PDE4D: variants seen among roughly 807,000 people sequenced by gnomAD.
PDE4D encodes phosphodiesterase 4D.
Under a neutral mutation model 87.4 loss-of-function variants are expected in PDE4D, and 24 were observed. That is an observed-to-expected ratio of 0.27 (90% CI 0.20 to 0.39). The LOEUF (loss-of-function observed/expected upper bound fraction) is 0.39. Among genes scored for constraint, PDE4D ranks in the 10% least tolerant of loss-of-function variants. PDE4D has a pLI of 1.00. For synonymous variants in PDE4D, 384 were observed against 383.2 expected (o/e 1.00, Z -0.02); for missense variants, 714 against 1,041.0 (o/e 0.69, Z 4.32).
intron 1 of PDE4D, among the ~76,000 whole-genome samples, chr5:59,477,353 T>TAA (rs35047246): frequency 9.4e-4 from 83 of 88,286 alleles, no homozygotes; most frequent in South Asian, 2.9e-3. Context: ...TAGAGTATAA[T>TAA]AAAAAAAAAA....
chr5:60,113,188 C>G (rs1002825290), intron 2 of PDE4D, among the ~76,000 whole-genome samples: 1 of 152,110 alleles, frequency 6.6e-6, no homozygotes, highest in Non-Finnish European at 1.5e-5. Context: ...AAAAGAAGGG[C>G]AAGTCCTAAG....
At chr5:60,490,250 T>C (rs1749458411), upstream of PDE4D, 1 of 152,134 alleles carries the variant, frequency 6.6e-6, no homozygotes, top group Non-Finnish European at 1.5e-5. Context: ...CCTATAATCA[T>C]AATAATCATG....
chr5:59,173,039 C>A (rs1201479952), intron 5 of PDE4D, among the ~76,000 whole-genome samples: 1 of 151,970 alleles, frequency 6.6e-6, no homozygotes, highest in Non-Finnish European at 1.5e-5. Context: ...GTACATTGAC[C>A]AAAATTAGAC....
intron 2 of PDE4D, among the ~76,000 whole-genome samples, chr5:59,207,871 T>C (rs1414481930): frequency 1.3e-5 from 2 of 151,594 alleles, no homozygotes; most frequent in African/African-American, 4.9e-5. Context: ...TTTTTTCACA[T>C]TTAAAAGATT....
chr5:59,897,635 T>C (rs1751801597), upstream of PDE4D, among the ~76,000 whole-genome samples: 3 of 150,970 alleles, frequency 2.0e-5, no homozygotes, highest in South Asian at 2.1e-4. Context: ...CAGTGTGTAA[T>C]GTTCCCCTCC....
At chr5:59,185,316 A>C in intron 3 of PDE4D, 54 bp from the exon 4 acceptor site, 1 of 1,296,194 alleles carries the variant, frequency 7.7e-7, no homozygotes, top group Non-Finnish European at 1.1e-6. Flanking sequence ...TTTTAAATAC[A>C]CTTGAAAATG....
At chr5:60,179,596 T>C (rs368522999) in intron 2 of PDE4D, among the ~76,000 whole-genome samples, 25 of 152,244 alleles carry the variant, frequency 1.6e-4, no homozygotes, top group Non-Finnish European at 2.8e-4. Flanking sequence ...TAATTACTTA[T>C]GGTTCTCTTA....
At chr5:59,029,608 T>C (rs1756956558) in intron 6 of PDE4D, among the ~76,000 whole-genome samples, 2 of 151,900 alleles carry the variant, frequency 1.3e-5, no homozygotes, top group Admixed American at 1.3e-4. Flanking sequence ...ATCTATAGAT[T>C]CAATGCAGTT....
chr5:60,190,750 T>G, intron 1 of PDE4D, among the ~76,000 whole-genome samples: 1 of 152,208 alleles, frequency 6.6e-6, no homozygotes, highest in East Asian at 1.9e-4. Flanking sequence ...CAACCCATCT[T>G]GTAGTCTTCC....
At position 58,992,092 on chromosome 5, in the gene PDE4D, A is replaced by G. The variant is rs533930430; in HGVS notation, c.1016-88T>C. 8.0e-5 allele frequency: 65 copies of G among 809,254 alleles called. No individual in the cohort carries two copies. The Middle Eastern group carries it at 1.9e-3, about 24-fold the overall frequency. 50.1% of individuals were successfully genotyped at this position (809,254 alleles called of 1,614,324 possible). A position where few individuals can be genotyped will look rare whatever the true frequency, so the allele number is the denominator to read the frequency against. Reference sequence around the variant, plus strand: ...ATAATTGGAAGGATTATAATTGATCATTATATATTCCAGGAAATGTTTCCA... The same window carrying G: ...ATAATTGGAAGGATTATAATTGATCGTTATATATTCCAGGAAATGTTTCCA... On this transcript the variant is annotated intron_variant, in intron 7 of 14. Transcript: ENST00000340635.
rs146086008 is a variant in PDE4D at position 59,036,352 on chromosome 5, A to G, written c.921+2507T>C. Among the ~76,000 whole-genome samples, 10 of 152,364 alleles carry G rather than the reference A, an allele frequency of 6.6e-5. No individual in the cohort carries two copies. The East Asian group carries it at 1.5e-3, about 23-fold the overall frequency. On this transcript the variant is annotated intron_variant, in intron 6 of 14. Transcript: ENST00000340635. ...AAGGCTAAAGGAGAATAAACTGAAA[A>G]TATCAGTTTGAACACGTGTATGTAA...
intron 3 of PDE4D, among the ~76,000 whole-genome samples, chr5:59,943,864 G>A (rs528002347): frequency 6.6e-6 from 1 of 152,282 alleles, no homozygotes; most frequent in East Asian, 1.9e-4. Context: ...TAACCGTGCA[G>A]TTAGAGGAGT....
intron 3 of PDE4D, among the ~76,000 whole-genome samples, chr5:59,930,345 A>G (rs911306008): frequency 1.3e-5 from 2 of 152,164 alleles, no homozygotes; most frequent in Admixed American, 1.3e-4. Context: ...AGAAGAGAAC[A>G]GAAGAAGTGA....
chr5:59,323,315 G>C (rs1775050536), intron 1 of PDE4D, among the ~76,000 whole-genome samples: 1 of 151,896 alleles, frequency 6.6e-6, no homozygotes, highest in African/African-American at 2.4e-5. Flanking sequence ...TTGCTTTATT[G>C]ATGACCATCT....
At chr5:59,188,432 G>A (rs1160202882) in intron 3 of PDE4D, among the ~76,000 whole-genome samples, 2 of 152,024 alleles carry the variant, frequency 1.3e-5, no homozygotes, top group Non-Finnish European at 2.9e-5. Context: ...TGTTATTTAC[G>A]TACACTACTC....
intron 3 of PDE4D, among the ~76,000 whole-genome samples, chr5:59,912,995 G>A (rs1033096038): frequency 3.3e-5 from 5 of 152,196 alleles, no homozygotes; most frequent in Non-Finnish European, 5.9e-5. Context: ...ATGACATGGA[G>A]GAACCAGAAA....
intron 1 of PDE4D, among the ~76,000 whole-genome samples, chr5:59,510,623 T>G (rs1810125769): frequency 6.6e-6 from 1 of 151,424 alleles, no homozygotes; most frequent in Non-Finnish European, 1.5e-5. Flanking sequence ...TAGACAGACA[T>G]AGATAAAAAA....
intron 3 of PDE4D, among the ~76,000 whole-genome samples, chr5:59,985,124 G>GTTTTTTTCTTT (rs762506771): frequency 9.0e-6 from 1 of 111,268 alleles, no homozygotes; most frequent in African/African-American, 2.8e-5. Flanking sequence ...TTCACCTTTC[G>GTTTTTTTCTTT]TTTTTTGTTT....
chr5:59,433,059 C>T (rs1390266023), intron 1 of PDE4D, among the ~76,000 whole-genome samples: 1 of 152,014 alleles, frequency 6.6e-6, no homozygotes, highest in Non-Finnish European at 1.5e-5. Context: ...GTAGATTTTG[C>T]ATAAAGAGGC....
Sources: gnomAD v4.1 joint callset for allele counts (sites outside exome capture counted in the v4.1 genomes callset) on GRCh38, gnomAD v4.1.1 for gene constraint, MANE v1.5 for transcripts, NCBI Gene and HGNC (gene_info 2026-07-23, HGNC 2026-07-21) for gene names.